Variants in NRK observed in about 807,000 individuals in gnomAD.
The protein encoded by NRK is nik-related protein kinase.
Under a neutral mutation model 125.2 loss-of-function variants are expected in NRK, and 67 were observed. The observed-to-expected ratio is 0.54, with a 90% CI of 0.44 to 0.66. NRK has a LOEUF of 0.66. Ranked by LOEUF, NRK falls within the 30% of genes least tolerant of loss-of-function variation. The pLI, the probability that NRK is intolerant of heterozygous loss-of-function variation, is 0.00. For synonymous variants in NRK, 458 were observed against 429.0 expected (o/e 1.07, Z -0.84); for missense variants, 1,224 against 1,192.9 (o/e 1.03, Z -0.38).
chrX:105,876,225 TAAC>T (rs200537786), intron 2 of NRK, among the ~76,000 whole-genome samples: 12,520 of 110,059 alleles, frequency 0.11, 1,796 homozygotes, highest in African/African-American at 0.4. Flanking sequence ...TTATAGTTAA[TAAC>T]AATATATTGT....
intron 26 of NRK, among the ~76,000 whole-genome samples, chrX:105,948,978 A>G (rs1228040638): frequency 9.0e-6 from 1 of 111,555 alleles, no homozygotes; most frequent in Admixed American, 9.6e-5. Flanking sequence ...TTGAATGTGT[A>G]TCTTAAGTGC....
At chrX:105,873,823 C>G (rs1253323847) in intron 2 of NRK, among the ~76,000 whole-genome samples, 1 of 111,545 alleles carries the variant, frequency 9.0e-6, no homozygotes, top group Admixed American at 9.5e-5. Flanking sequence ...GTGAAGTCTT[C>G]CCAGTTACTC....
At chrX:105,921,505 T>A (rs370086025) in intron 16 of NRK, among the ~76,000 whole-genome samples, 1 of 109,588 alleles carries the variant, frequency 9.1e-6, no homozygotes, top group East Asian at 2.9e-4. Flanking sequence ...GATTGAAGAA[T>A]GAACTCTCCT....
chrX:105,932,064 A>G (rs1365295568), intron 19 of NRK, among the ~76,000 whole-genome samples: 6 of 111,208 alleles, frequency 5.4e-5, no homozygotes, highest in Non-Finnish European at 1.1e-4. Flanking sequence ...GGTGACTTAT[A>G]TAAGTGGAAT....
intron 2 of NRK, among the ~76,000 whole-genome samples, chrX:105,852,277 G>A (rs994988557): frequency 3.6e-5 from 4 of 111,508 alleles, no homozygotes; most frequent in Non-Finnish European, 7.5e-5. Context: ...AGGGGATAGG[G>A]AAAATAGTCA....
chrX:105,906,400 G>C lies in NRK; in HGVS notation c.846-14G>C. 9.1e-7 allele frequency: 1 copy of C among 1,102,042 alleles called. No individual in the cohort carries two copies. Among genetic ancestry groups the C allele is most frequent in the Non-Finnish European group, 1.2e-6 (1 of 820,930 alleles). 90.8% of individuals were successfully genotyped at this position (1,102,042 alleles called of 1,213,427 possible). On this transcript the variant is annotated splice_polypyrimidine_tract_variant and intron_variant, in intron 10 of 28. Coordinates refer to ENST00000243300, the MANE Select transcript of NRK (RefSeq NM_198465.4). ...GAGAACACTTTTTTTTCCTCTCTTTGACTCATTTTTTAGGTCCCGTAAGTT... is the reference window on the plus strand; with the variant it reads ...GAGAACACTTTTTTTTCCTCTCTTTCACTCATTTTTTAGGTCCCGTAAGTT...
intron 2 of NRK, among the ~76,000 whole-genome samples, chrX:105,869,126 A>G (rs1159859698): frequency 9.0e-6 from 1 of 110,838 alleles, no homozygotes; most frequent in African/African-American, 3.3e-5. Flanking sequence ...AAGGAATGGG[A>G]CAGCAGGGTG....
At chrX:105,923,069 A>G (rs755619854) in intron 17 of NRK, 49 bp from the exon 18 acceptor site, 2 of 1,082,316 alleles carry the variant, frequency 1.8e-6, no homozygotes, top group East Asian at 6.1e-5. Flanking sequence ...CCAATCTAGA[A>G]GAAAATGAAA....
chrX:105,894,049 A>G (rs1471901223), intron 6 of NRK, 107 bp downstream of exon 6: 2 of 450,840 alleles, frequency 4.4e-6, no homozygotes. Flanking sequence ...TATTCCAAAC[A>G]TAACCTGTGC....
chrX:105,842,655 C>T (rs1280913345), intron 2 of NRK, among the ~76,000 whole-genome samples: 1 of 111,539 alleles, frequency 9.0e-6, no homozygotes, highest in East Asian at 2.8e-4. Context: ...CTCATTTGTT[C>T]CCTGCCTGAG....
chrX:105,878,035 G>A (rs1176283059), intron 2 of NRK, among the ~76,000 whole-genome samples: 1 of 110,432 alleles, frequency 9.1e-6, no homozygotes, highest in African/African-American at 3.3e-5. Flanking sequence ...AAATAATAGT[G>A]GCTCATAAAT....
At chrX:105,914,460 G>A (rs1352657474) in intron 14 of NRK, among the ~76,000 whole-genome samples, 3 of 111,011 alleles carry the variant, frequency 2.7e-5, no homozygotes, top group Admixed American at 1.9e-4. Context: ...CATTATCTTA[G>A]TATATGCTAT....
chrX:105,878,475 G>T (rs762873410), intron 2 of NRK, among the ~76,000 whole-genome samples: 15 of 111,335 alleles, frequency 1.3e-4, no homozygotes, highest in Admixed American at 1.9e-4. Flanking sequence ...AGCTAAGGAG[G>T]TTGCAAAAAT....
rs1419076947 is a variant in NRK, at chrX:105,841,769, C to T, written c.123+10650C>T. 3.6e-5 allele frequency among the ~76,000 whole-genome samples: 4 copies of T among 111,446 alleles called. No individual in the cohort carries two copies. The Admixed American group carries it at 3.8e-4, about 11-fold the overall frequency. ...TAAATAAAATTATTGAGTGTTTGAA[C>T]TGGGTGAGAAAAAGATGGAGATTTA... On this transcript the variant is annotated intron_variant, in intron 2 of 28. Transcript: ENST00000243300.
chrX:105,950,766 A>G (rs1266619636), intron 27 of NRK, among the ~76,000 whole-genome samples: 1 of 109,418 alleles, frequency 9.1e-6, no homozygotes, highest in African/African-American at 3.3e-5. Context: ...ACTCAGCAAA[A>G]AGCCTTTGCT....
intron 17 of NRK, among the ~76,000 whole-genome samples, 185 bp downstream of exon 17, chrX:105,922,246 A>T (rs982524676): frequency 2.7e-5 from 3 of 112,224 alleles, no homozygotes; most frequent in African/African-American, 9.7e-5. Flanking sequence ...TAAAATTGAA[A>T]TGGGAAAACA....
chrX:105,949,875 C>T, intron 27 of NRK, 141 bp downstream of exon 27: 2 of 425,319 alleles, frequency 4.7e-6, no homozygotes, highest in Non-Finnish European at 8.1e-6. Flanking sequence ...TAATTATTCT[C>T]TTAGTAAGGT....
At chrX:105,827,851 A>C (rs370222241) in intron 1 of NRK, among the ~76,000 whole-genome samples, 13 of 111,832 alleles carry the variant, frequency 1.2e-4, no homozygotes, top group African/African-American at 4.2e-4. Context: ...CAAACCCCCA[A>C]ATAATCTCCA....
intron 4 of NRK, among the ~76,000 whole-genome samples, chrX:105,884,862 A>T (rs1473566067): frequency 1.8e-5 from 2 of 112,286 alleles, no homozygotes; most frequent in African/African-American, 6.5e-5. Flanking sequence ...GCTAGTGTGC[A>T]GTGGCACAAT....
Sources: allele counts gnomAD v4.1 joint callset (sites outside exome capture counted in the v4.1 genomes callset), GRCh38; gene constraint gnomAD v4.1.1; transcripts MANE v1.5; gene names NCBI Gene and HGNC (gene_info 2026-07-23, HGNC 2026-07-21).